TTN: variants seen among roughly 807,000 people sequenced by gnomAD.
TTN encodes the protein titin.
A neutral mutation model predicts 3,223.0 loss-of-function variants in TTN; 1,525 were observed. The observed-to-expected ratio is 0.47, with a 90% confidence interval of 0.45 to 0.49. The LOEUF (loss-of-function observed/expected upper bound fraction) is 0.49. TTN is among the 20% of genes least tolerant of loss of function. TTN has a pLI of 0.00. For missense variants in TTN, 40,786 were observed against 43,424.0 expected (o/e 0.94, Z 5.40); for synonymous variants, 14,094 against 15,161.0 (o/e 0.93, Z 5.17).
At chr2:178,687,910 AAATACACTGG>A (rs1055673220) in intron 127 of TTN, among the ~76,000 whole-genome samples, 191 bp downstream of exon 127, 11 of 152,192 alleles carry the variant, frequency 7.2e-5, no homozygotes, top group Non-Finnish European at 1.6e-4. Flanking sequence ...GATGCAGAAG[AAATACACTGG>A]ATTTCTCTAA....
At chr2:178,707,031 CT>C in intron 100 of TTN, 77 bp from the exon 101 acceptor site, 1 of 1,326,508 alleles carries the variant, frequency 7.5e-7, no homozygotes, top group Non-Finnish European at 1.0e-6. Flanking sequence ...TAAAATAAGC[CT>C]TAGGAGGTTG....
Position 178,608,432 on chromosome 2 carries a change from C to G in TTN, c.52451G>C (p.Ser17484Thr). The G allele has an allele frequency of 6.2e-7, 1 of 1,607,694 alleles. No homozygotes were observed. Among genetic ancestry groups the G allele is most frequent in the Non-Finnish European group, 8.5e-7 (1 of 1,176,720 alleles). Residue 17484 changes from serine to threonine, a missense_variant, in exon 275 of 363, where the codon AGC (serine) becomes ACC (threonine). Transcript: ENST00000589042. ...ATTCCATTTCACTAGCATACTGTTG[C>G]TGGTAACATCTTCCACAATGGGCTT... Reference protein sequence around the residue: ...PDKPIVEDVTSNSMLVKWNEP... With the variant: ...PDKPIVEDVTTNSMLVKWNEP...
In TTN at chr2:178,719,012, A is replaced by T. The variant is rs773806319; in HGVS notation, c.24227-39T>A. On this transcript the variant is annotated intron_variant, in intron 83 of 362. Transcript: ENST00000589042. ...GGCGGAAGGGGAGATAAAGAGAAGA[A>T]AGAAATCCAAGTGAGAAGTGCTTTT... 2.4e-5 allele frequency: 37 copies of T among 1,534,326 alleles called. No homozygotes were observed. In the Admixed American group the frequency reaches 3.5e-4, roughly 14 times the overall value.
chr2:178,584,162 C>T, intron 311 of TTN, 114 bp downstream of exon 311: 1 of 1,250,064 alleles, frequency 8.0e-7, no homozygotes, highest in Non-Finnish European at 1.1e-6. Flanking sequence ...GAGTTGTAAT[C>T]TTCAGATCTC....
rs768961892 is a variant in TTN at position 178,609,896 on chromosome 2, C to G, written c.51527G>C (p.Gly17176Ala). ...TATGATGTAGCCCATTATCTTGCTC[C>G]CTCCATCATACAAAGGTGGCTTCCA... ...ITWKPPLYDGGSKIMGYIIEK... is the reference protein window; with the variant it reads ...ITWKPPLYDGASKIMGYIIEK... The change falls in exon 272 of 363, where the codon GGG becomes GCG. Residue 17176 changes from glycine to alanine, a missense_variant. Physicochemically the swap from Gly to Ala is moderately conservative, Grantham distance 60. Transcript: ENST00000589042. 4.0e-5 allele frequency: 65 copies of G among 1,612,876 alleles called. No homozygotes were observed. The Admixed American group carries it at 9.8e-4, about 24-fold the overall frequency.
Position 178,616,772 on chromosome 2 carries a change from G to A in TTN, c.48117C>T (p.Asn16039=). 6.2e-7 allele frequency: 1 copy of A among 1,612,538 alleles called. No homozygotes were observed. Among genetic ancestry groups the A allele is most frequent in the South Asian group, 1.1e-5 (1 of 91,008 alleles). ...TTTCCCCAGAAATTGTTTTCACACG[G>A]TTTTCTAATTTCAGTGTATAAATGC... ...DKGIYTLKLE[N]RVKTISGEID... The change falls in exon 256 of 363, where the codon AAC becomes AAT. Residue 16039 remains asparagine (N), a synonymous_variant. Transcript: ENST00000589042.
In TTN at chr2:178,720,531, T is replaced by C. The variant is rs757107171; in HGVS notation, c.23231A>G (p.Asn7744Ser). The change falls in exon 80 of 363, where the codon AAC becomes AGC. Residue 7744 changes from asparagine to serine, a missense_variant. Asn to Ser is a conservative substitution (Grantham distance 46). Coordinates refer to ENST00000589042, the MANE Select transcript of TTN (RefSeq NM_001267550.2). Reference protein sequence around the residue: ...VWVKDRKQVRNSKKFKITSKH... With the variant: ...VWVKDRKQVRSSKKFKITSKH... ...TGAAGTGATTTTAAATTTCTTGCTGTTTCTAACCTGCTTTCGATCTTTAAC... is the reference window on the plus strand; with the variant it reads ...TGAAGTGATTTTAAATTTCTTGCTGCTTCTAACCTGCTTTCGATCTTTAAC... 1 of 1,613,598 alleles carries C rather than the reference T, an allele frequency of 6.2e-7. No homozygotes were observed. Among genetic ancestry groups the C allele is most frequent in the Non-Finnish European group, 8.5e-7 (1 of 1,179,640 alleles).
chr2:178,541,635 C>A, intron 349 of TTN, 51 bp from the exon 350 acceptor site: 1 of 1,479,528 alleles, frequency 6.8e-7, no homozygotes. Context: ...TACGTTAAAA[C>A]AATGACTCAT....
chr2:178,727,017 G>A, intron 69 of TTN, 73 bp downstream of exon 69: 1 of 1,286,624 alleles, frequency 7.8e-7, no homozygotes, highest in Non-Finnish European at 1.0e-6. Flanking sequence ...GATAGTAAAT[G>A]AATAAAGAGC....
In TTN at chr2:178,728,203, T is replaced by C. The variant is rs1448829330; in HGVS notation, c.19621A>G (p.Asn6541Asp). ...GCAGTATCTTCTAATTCCAGATTAT[T>C]AACTTCCAGAGACACAGATCTCTCA... ...CHERSVSLEV[N>D]NLELEDTANY... The change falls in exon 67 of 363, where the codon AAT (asparagine) becomes GAT (aspartate). Residue 6541 changes from asparagine to aspartate, a missense_variant. By Grantham distance (23) the Asn-to-Asp change is conservative. Transcript: ENST00000589042. 1 of 1,612,722 alleles carries C rather than the reference T, an allele frequency of 6.2e-7. No individual in the cohort carries two copies. The highest frequency in any genetic ancestry group is 1.3e-5 in the African/African-American group (1 of 74,850).
In TTN at chr2:178,562,761, G is replaced by A. The variant is rs755033702; in HGVS notation, c.83371C>T (p.Leu27791Phe). The A allele has an allele frequency of 5.6e-6, 9 of 1,612,996 alleles. No homozygotes were observed. Among genetic ancestry groups the A allele is most frequent in the South Asian group, 2.2e-5 (2 of 91,042 alleles). The change falls in exon 326 of 363, where the codon CTT becomes TTT. Residue 27791 changes from leucine (L) to phenylalanine (F), a missense_variant. Transcript: ENST00000589042. Reference sequence around the variant, plus strand: ...GTAATCTTAGCTCCACCATCAATAAGTGGTGGTTCCCAGGACAACGTCACT... The same window carrying A: ...GTAATCTTAGCTCCACCATCAATAAATGGTGGTTCCCAGGACAACGTCACT... Reference protein sequence around the residue: ...DSVTLSWEPPLIDGGAKITNY... With the variant: ...DSVTLSWEPPFIDGGAKITNY...
rs1166608062 is a variant in TTN, at chr2:178,770,190, A to C, written c.8511T>G (p.Ser2837Arg). 10 of 1,614,034 alleles carry C rather than the reference A, an allele frequency of 6.2e-6. No individual in the cohort carries two copies. The highest frequency in any genetic ancestry group is 8.5e-6 in the Non-Finnish European group (10 of 1,180,024). The change falls in exon 36 of 363, where the codon AGT becomes AGG. Residue 2837 changes from serine (S) to arginine (R), a missense_variant. Transcript: ENST00000589042. The stretch of plus-strand genomic sequence containing the variant: ...TTTCTGAGACCAGTCTGTGTTTGTC[A>C]CTTGGCTTAATTTCCACACTCTTAT... ...WFHKSVEIKP[S>R]DKHRLVSERK...
rs397517545 is a variant in TTN at position 178,678,215 on chromosome 2, A to G, written c.33911-7T>C. 7.5e-6 allele frequency: 12 copies of G among 1,599,068 alleles called. No individual in the cohort carries two copies. Among genetic ancestry groups the G allele is most frequent in the Admixed American group, 5.3e-5 (3 of 56,868 alleles). ...TTCTTGGGCACCTCTGGCACTTTAA[A>G]GATATTATTTATATTTAGGAATATG... On this transcript the variant is annotated splice_region_variant and splice_polypyrimidine_tract_variant and intron_variant, in intron 144 of 362. Coordinates refer to ENST00000589042, the MANE Select transcript of TTN (RefSeq NM_001267550.2).
chr2:178,629,766 G>A (rs1013523118), intron 239 of TTN, among the ~76,000 whole-genome samples: 1 of 152,062 alleles, frequency 6.6e-6, no homozygotes, highest in African/African-American at 2.4e-5. Flanking sequence ...ACTCTGATTG[G>A]GAGAGGACAA....
At chr2:178,748,798 C>T (rs1224787291) in intron 47 of TTN, 1 of 1,611,892 alleles carries the variant, frequency 6.2e-7, no homozygotes, top group East Asian at 2.2e-5. Context: ...GAGAGGAAAG[C>T]AGCTTTAAAT....
chr2:178,595,862 G>A, intron 294 of TTN, 53 bp from the exon 295 acceptor site: 1 of 1,492,436 alleles, frequency 6.7e-7, no homozygotes, highest in Non-Finnish European at 9.0e-7. Context: ...GAAAGATAAT[G>A]CTCAACACTT....
intron 159 of TTN, among the ~76,000 whole-genome samples, chr2:178,668,783 T>A (rs1194607739): frequency 1.3e-5 from 2 of 151,818 alleles, no homozygotes; most frequent in African/African-American, 2.4e-5. Flanking sequence ...ACTTTTACTA[T>A]TCAGGTTGTT....
chr2:178,532,360 T>G lies in TTN; in HGVS notation c.104255A>C (p.Gln34752Pro). 1 of 1,614,044 alleles carries G rather than the reference T, an allele frequency of 6.2e-7. No homozygotes were observed. Among genetic ancestry groups the G allele is most frequent in the Non-Finnish European group, 8.5e-7 (1 of 1,179,888 alleles). Reference protein sequence around the residue: ...SYAELRERHAQAAYRQPKQRQ... With the variant: ...SYAELRERHAPAAYRQPKQRQ... ...TTGCTTTGGCTGTCTGTACGCAGCCTGGGCATGCCGTTCCCTCAGTTCTGC... is the reference window on the plus strand; with the variant it reads ...TTGCTTTGGCTGTCTGTACGCAGCCGGGGCATGCCGTTCCCTCAGTTCTGC... The change falls in exon 358 of 363, where the codon CAG (glutamine) becomes CCG (proline). Residue 34752 changes from glutamine to proline, a missense_variant. Physicochemically the swap from Gln to Pro is moderately conservative, Grantham distance 76 (BLOSUM62 -1). Coordinates refer to ENST00000589042, the MANE Select transcript of TTN (RefSeq NM_001267550.2).
rs1403401790 is a variant in TTN at position 178,640,676 on chromosome 2, G to A, written c.40634-46C>T. 4.9e-6 allele frequency: 7 copies of A among 1,421,664 alleles called. No homozygotes were observed. In the African/African-American group the frequency reaches 7.5e-5, roughly 15 times the overall value. 88.1% of individuals were successfully genotyped at this position (1,421,664 alleles called of 1,614,324 possible). On this transcript the variant is annotated intron_variant, in intron 220 of 362. Coordinates refer to ENST00000589042, the MANE Select transcript of TTN (RefSeq NM_001267550.2). ...TTCAGTGTTAATATTTGAATATTTA[G>A]GAAGCACCTCATCTGAAATATCAAT...
Sources: allele counts gnomAD v4.1 joint callset (sites outside exome capture counted in the v4.1 genomes callset), GRCh38; gene constraint gnomAD v4.1.1; transcripts MANE v1.5; gene names NCBI Gene and HGNC (gene_info 2026-07-23, HGNC 2026-07-21).